The following MYT1L variants were observed in gnomAD, a reference collection of about 807,000 sequenced individuals.
MYT1L encodes myelin transcription factor 1-like protein.
In MYT1L, 12 loss-of-function variants were observed where a neutral mutation model predicts 126.7. The observed-to-expected ratio is 0.09, with a 90% confidence interval of 0.06 to 0.15. MYT1L has a LOEUF of 0.15. Among genes scored for constraint, MYT1L ranks in the 10% least tolerant of loss-of-function variants. The probability of loss-of-function intolerance (pLI) is 1.00; values close to 1 mark genes in which losing one functional copy is unlikely to be tolerated. For synonymous variants in MYT1L, 541 were observed against 604.2 expected (o/e 0.90, Z 1.53); for missense variants, 979 against 1,585.2 (o/e 0.62, Z 6.49).
Position 2,180,596 on chromosome 2 carries a change from A to T in MYT1L, c.-420-7608T>A, listed in dbSNP as rs539711146. On this transcript the variant is annotated intron_variant, in intron 2 of 24. Transcript: ENST00000647738. ...TACCTGTGTGTGCGCCTATGTGTGT[A>T]CCTGTGTGTGTGCTTATGTACCTGT... Among the ~76,000 whole-genome samples the T allele has an allele frequency of 3.4e-3, 487 of 141,546 alleles. 3 individuals carry two copies. Among genetic ancestry groups the T allele is most frequent in the African/African-American group, 0.012 (451 of 37,750 alleles). 92.9% of individuals were successfully genotyped at this position (141,546 alleles called of 152,430 possible).
intron 3 of MYT1L, among the ~76,000 whole-genome samples, chr2:2,055,187 C>G (rs1432330552): frequency 6.6e-6 from 1 of 151,878 alleles, no homozygotes; most frequent in Admixed American, 6.6e-5. Context: ...AGTATTAAGA[C>G]TACAAAATGT....
intron 2 of MYT1L, among the ~76,000 whole-genome samples, chr2:2,266,300 G>A (rs2095128086): frequency 6.6e-6 from 1 of 152,126 alleles, no homozygotes; most frequent in South Asian, 2.1e-4. Flanking sequence ...TGCTCCCCTT[G>A]GGAATACTCA....
In MYT1L at chr2:1,791,814, A is replaced by G. The variant is rs1051725480; in HGVS notation, c.*53T>C. 4.0e-6 allele frequency: 6 copies of G among 1,497,378 alleles called. No homozygotes were observed. Among genetic ancestry groups the G allele is most frequent in the Non-Finnish European group, 4.4e-6 (5 of 1,127,080 alleles). The allele number at this position is 1,497,378 out of a possible 1,614,324, so 92.8% of individuals were successfully genotyped here. ...ACACTTTCTGGTAAGTTACAGCAGC[A>G]AAAAACAAGAGGCATCCTTTTTAAG... On this transcript the variant is annotated 3_prime_UTR_variant, in exon 25 of 25. Transcript: ENST00000647738. This position sits in a 1 kb window ranked among gnomAD's most constrained non-coding sequence, Gnocchi z 6.0.
At chr2:2,174,077 C>G (rs1048490497) in intron 2 of MYT1L, among the ~76,000 whole-genome samples, 1 of 151,990 alleles carries the variant, frequency 6.6e-6, no homozygotes, top group Non-Finnish European at 1.5e-5. Context: ...AAAATAATGC[C>G]AAAATAGATA....
At chr2:2,260,180 C>T (rs7600426) in intron 2 of MYT1L, among the ~76,000 whole-genome samples, 63,443 of 152,014 alleles carry the variant, frequency 0.42, 13,952 homozygotes, top group East Asian at 0.81. Context: ...TTACACCTGG[C>T]TCCCCGCTGA....
chr2:1,888,189 T>C (rs943679693), intron 16 of MYT1L, among the ~76,000 whole-genome samples: 5 of 152,226 alleles, frequency 3.3e-5, no homozygotes, highest in African/African-American at 9.6e-5. Context: ...TAAGTGTAGA[T>C]ACATGGGAAG....
intron 2 of MYT1L, among the ~76,000 whole-genome samples, chr2:2,242,394 A>G (rs1347357635): frequency 6.6e-6 from 1 of 152,190 alleles, no homozygotes; most frequent in African/African-American, 2.4e-5. Context: ...TAAACTATAA[A>G]TTTTCACCAC....
intron 3 of MYT1L, among the ~76,000 whole-genome samples, chr2:2,157,593 G>A (rs912607221): frequency 6.6e-6 from 1 of 152,154 alleles, no homozygotes; most frequent in Non-Finnish European, 1.5e-5. Flanking sequence ...CAGTGAGAAA[G>A]TCAGATGATA....
intron 1 of MYT1L, among the ~76,000 whole-genome samples, chr2:2,305,525 C>T (rs1039814912): frequency 6.6e-6 from 1 of 152,106 alleles, no homozygotes; most frequent in East Asian, 1.9e-4. Context: ...CTGAGACTGC[C>T]CTGCTACTAA....
intron 18 of MYT1L, among the ~76,000 whole-genome samples, chr2:1,876,898 C>T (rs2046980117): frequency 6.6e-6 from 1 of 152,214 alleles, no homozygotes; most frequent in South Asian, 2.1e-4. Flanking sequence ...TGTCCGCCGT[C>T]TCCCCAAATG....
At chr2:2,004,181 C>CTTTCCTGCAGGCGTT (rs1558696627) in intron 4 of MYT1L, among the ~76,000 whole-genome samples, 10 of 101,428 alleles carry the variant, frequency 9.9e-5, no homozygotes, top group Non-Finnish European at 6.1e-5. Context: ...CTGCGTGCCT[C>CTTTCCTGCAGGCGTT]CTTTCCTGCA....
At chr2:2,253,474 A>G (rs2094713919) in intron 2 of MYT1L, among the ~76,000 whole-genome samples, 1 of 152,222 alleles carries the variant, frequency 6.6e-6, no homozygotes, top group Non-Finnish European at 1.5e-5. Context: ...TAATGTCTTC[A>G]CTTCTAATGC....
intron 3 of MYT1L, among the ~76,000 whole-genome samples, chr2:2,108,351 A>T (rs1056573753): frequency 6.6e-6 from 1 of 152,140 alleles, no homozygotes; most frequent in East Asian, 1.9e-4. Context: ...GCTCCTCCCC[A>T]CAGCTTACCC....
At chr2:2,131,256 A>G (rs538857766) in intron 3 of MYT1L, among the ~76,000 whole-genome samples, 1 of 152,324 alleles carries the variant, frequency 6.6e-6, no homozygotes, top group South Asian at 2.1e-4. Flanking sequence ...TAGGATGCAC[A>G]TTACTTAGGG....
At chr2:1,861,668 C>CCTA (rs2044639838) in intron 18 of MYT1L, among the ~76,000 whole-genome samples, 1 of 54,764 alleles carries the variant, frequency 1.8e-5, no homozygotes. Context: ...CCTGTGTAAT[C>CCTA]GTGGATCCTC....
intron 2 of MYT1L, among the ~76,000 whole-genome samples, chr2:2,208,157 C>T (rs2093381211): frequency 6.6e-6 from 1 of 152,100 alleles, no homozygotes; most frequent in Non-Finnish European, 1.5e-5. Flanking sequence ...CAGGGGAAGC[C>T]CACCATTCAT....
At chr2:1,823,580 C>A (rs1244126877) in intron 21 of MYT1L, among the ~76,000 whole-genome samples, 1 of 152,132 alleles carries the variant, frequency 6.6e-6, no homozygotes, top group African/African-American at 2.4e-5. Flanking sequence ...AGTGACGAGG[C>A]TGGGTGCCTG....
chr2:2,028,892 G>A (rs959341790), intron 4 of MYT1L, among the ~76,000 whole-genome samples: 2 of 152,224 alleles, frequency 1.3e-5, no homozygotes, highest in Middle Eastern at 3.4e-3. Flanking sequence ...TCATAACCAG[G>A]AAAATGAGGG....
In MYT1L at chr2:1,963,053, A is replaced by G. The variant is rs534220951; in HGVS notation, c.152+16112T>C. 3.5e-4 allele frequency among the ~76,000 whole-genome samples: 53 copies of G among 152,354 alleles called. No homozygotes were observed. In the South Asian group the frequency reaches 0.01, roughly 30 times the overall value. On this transcript the variant is annotated intron_variant, in intron 8 of 24. Coordinates refer to ENST00000647738, the MANE Select transcript of MYT1L (RefSeq NM_001303052.2). ...AGGAATCACTCTCTATGGCAGATGTAGCCTCATGAAATATGTTTCTTAAAT... is the reference window on the plus strand; with the variant it reads ...AGGAATCACTCTCTATGGCAGATGTGGCCTCATGAAATATGTTTCTTAAAT...
Sources: gnomAD v4.1 joint callset for allele counts (sites outside exome capture counted in the v4.1 genomes callset) on GRCh38, gnomAD v4.1.1 for gene constraint, Gnocchi (gnomAD v3.1) non-coding constraint, MANE v1.5 for transcripts, NCBI Gene and HGNC (gene_info 2026-07-23, HGNC 2026-07-21) for gene names.